Variants in PPP2R3C observed in about 807,000 individuals in gnomAD.
The protein encoded by PPP2R3C is serine/threonine-protein phosphatase 2A regulatory subunit B'' subunit gamma.
A neutral mutation model predicts 63.7 loss-of-function variants in PPP2R3C; 47 were observed. The observed-to-expected ratio is 0.74, with a 90% CI of 0.58 to 0.94. PPP2R3C has a LOEUF of 0.94. PPP2R3C is among the 40% of genes least tolerant of loss of function. PPP2R3C has a pLI of 0.00. For synonymous variants in PPP2R3C, 180 were observed against 177.4 expected (o/e 1.01, Z -0.12); for missense variants, 421 against 518.4 (o/e 0.81, Z 1.82).
At chr14:35,090,703 A>C (rs916913250) in intron 11 of PPP2R3C, among the ~76,000 whole-genome samples, 3 of 146,328 alleles carry the variant, frequency 2.1e-5, no homozygotes, top group Admixed American at 6.9e-5. Context: ...CTTTTGCTGC[A>C]TCTCACAATT....
chr14:35,118,663 T>TG (rs1478325032), intron 1 of PPP2R3C, among the ~76,000 whole-genome samples: 1 of 88,506 alleles, frequency 1.1e-5, no homozygotes, highest in Non-Finnish European at 2.4e-5. Flanking sequence ...CTTTTTTTTT[T>TG]TTTTTTTTCC....
At chr14:35,119,417 G>A (rs2046798183) in intron 1 of PPP2R3C, among the ~76,000 whole-genome samples, 1 of 152,026 alleles carries the variant, frequency 6.6e-6, no homozygotes, top group South Asian at 2.1e-4. Flanking sequence ...GCTCACTGCA[G>A]CCCCAAACTC....
At chr14:35,099,786 TG>T in intron 6 of PPP2R3C, 1 of 168,828 alleles carries the variant, frequency 5.9e-6, no homozygotes, top group Non-Finnish European at 1.2e-5. Context: ...TCACCCAGGC[TG>T]GAGTGCAGTG....
intron 2 of PPP2R3C, among the ~76,000 whole-genome samples, chr14:35,114,130 G>A (rs4982240): frequency 0.82 from 125,036 of 152,106 alleles, 51,754 homozygotes; most frequent in Non-Finnish European, 0.87. Flanking sequence ...TGTTTAAGGA[G>A]AGTGTGAAAT....
intron 12 of PPP2R3C, 37 bp downstream of exon 12, chr14:35,087,914 A>AT (rs749671893): frequency 6.8e-7 from 1 of 1,465,272 alleles, no homozygotes; most frequent in Non-Finnish European, 9.6e-7. Flanking sequence ...CTATCTCATA[A>AT]TTATCTGGTA....
In PPP2R3C at chr14:35,114,031, G is replaced by A. The variant is rs112371240; in HGVS notation, c.186+2579C>T. On this transcript the variant is annotated intron_variant, in intron 2 of 12. Coordinates refer to ENST00000261475, the MANE Select transcript of PPP2R3C (RefSeq NM_017917.4). ...GGTTAAATGAGATAAAGAATACAAAGGGCTCTGCAGTGCTTAGACACTCAA... is the reference window on the plus strand; with the variant it reads ...GGTTAAATGAGATAAAGAATACAAAAGGCTCTGCAGTGCTTAGACACTCAA... Among the ~76,000 whole-genome samples, 91 of 152,202 alleles carry A rather than the reference G, an allele frequency of 6.0e-4. 1 individual carries two copies. Among genetic ancestry groups the A allele is most frequent in the African/African-American group, 2.1e-3 (87 of 41,510 alleles).
At chr14:35,105,876 T>TC (rs2046337686) in intron 6 of PPP2R3C, among the ~76,000 whole-genome samples, 1 of 151,948 alleles carries the variant, frequency 6.6e-6, no homozygotes, top group African/African-American at 2.4e-5. Flanking sequence ...GGAGTCTCGC[T>TC]CTTTCGCCCA....
chr14:35,121,669 C>T lies in PPP2R3C; in HGVS notation c.58+233G>A, dbSNP rs77634519. 3.9e-3 allele frequency among the ~76,000 whole-genome samples: 594 copies of T among 152,280 alleles called. 4 individuals carry two copies. The highest frequency in any genetic ancestry group is 0.014 in the African/African-American group (567 of 41,534). On this transcript the variant is annotated intron_variant, in intron 1 of 12. Coordinates refer to ENST00000261475, the MANE Select transcript of PPP2R3C (RefSeq NM_017917.4). ...TATTCTTCACAAGTTTAGATTAAGA[C>T]CATGGAAGTCAGTGACTAAAGCTAA...
At chr14:35,089,457 T>C (rs1292658865) in intron 11 of PPP2R3C, among the ~76,000 whole-genome samples, 1 of 152,044 alleles carries the variant, frequency 6.6e-6, no homozygotes, top group Non-Finnish European at 1.5e-5. Flanking sequence ...TATCTACAAC[T>C]GGCTGGGCAC....
chr14:35,085,930 T>C, intron 12 of PPP2R3C, 152 bp from the exon 13 acceptor site: 4 of 621,140 alleles, frequency 6.4e-6, no homozygotes, highest in Non-Finnish European at 1.0e-5. Context: ...TTTGTTCTAC[T>C]TTTTTTCTTT....
intron 12 of PPP2R3C, 197 bp from the exon 13 acceptor site, chr14:35,085,975 C>G (rs1203495473): frequency 1.8e-6 from 1 of 542,644 alleles, no homozygotes; most frequent in Non-Finnish European, 3.2e-6. Context: ...TCTCTACCTA[C>G]AACCACAAAA....
intron 1 of PPP2R3C, among the ~76,000 whole-genome samples, chr14:35,120,905 C>T (rs1471103492): frequency 6.6e-6 from 1 of 151,870 alleles, no homozygotes; most frequent in African/African-American, 2.4e-5. Flanking sequence ...TTCACTGCGC[C>T]GCTGCACTCC....
upstream of PPP2R3C, chr14:35,122,019 A>G: frequency 6.3e-7 from 1 of 1,590,630 alleles, no homozygotes; most frequent in South Asian, 1.1e-5. Flanking sequence ...CACCCCTACC[A>G]GCTCAGGCGT....
chr14:35,094,630 T>C (rs1479195195), intron 10 of PPP2R3C, among the ~76,000 whole-genome samples: 1 of 145,918 alleles, frequency 6.9e-6, no homozygotes, highest in Admixed American at 6.7e-5. Context: ...AGTAATTTGA[T>C]CAGTTTACAC....
upstream of PPP2R3C, chr14:35,122,172 C>G (rs569834146): frequency 3.0e-5 from 17 of 572,614 alleles, no homozygotes; most frequent in Middle Eastern, 5.8e-4. Context: ...GGGGAAAAAA[C>G]TATGAAAGAG....
chr14:35,097,232 AAG>A (rs1555312563), intron 7 of PPP2R3C, among the ~76,000 whole-genome samples: 1 of 152,114 alleles, frequency 6.6e-6, no homozygotes, highest in African/African-American at 2.4e-5. Flanking sequence ...GCAAAAAAAA[AAG>A]AGAAACCTAC....
At chr14:35,095,236 A>G (rs771858101) in intron 9 of PPP2R3C, 52 bp from the exon 10 acceptor site, 34 of 1,559,188 alleles carry the variant, frequency 2.2e-5, no homozygotes, top group Non-Finnish European at 2.9e-5. Context: ...AATTTTAATC[A>G]GAAGAATAGA....
In PPP2R3C at chr14:35,085,660, C is replaced by T; in HGVS notation, c.1292G>A (p.Trp431Ter). The change falls in exon 13 of 13, where the codon TGG becomes TAG. Residue 431 changes from tryptophan to a stop codon, truncating the protein, a stop_gained. Transcript: ENST00000261475. LOFTEE classifies it high-confidence loss of function. ...TTILIDLNGF[W>*]TYENREALVA... ...AAGAGCCTCTCTGTTCTCGTAAGTC[C>T]AGAAGCCATTCAAATCGATTAGAAT... The T allele has an allele frequency of 1.2e-6, 2 of 1,613,816 alleles. No homozygotes were observed. Among genetic ancestry groups the T allele is most frequent in the Non-Finnish European group, 1.7e-6 (2 of 1,179,874 alleles).
At chr14:35,096,103 G>A (rs570175546) in intron 9 of PPP2R3C, among the ~76,000 whole-genome samples, 13 of 152,322 alleles carry the variant, frequency 8.5e-5, no homozygotes, top group South Asian at 4.1e-4. Flanking sequence ...CACTTTGGGA[G>A]GTCAGGGCAG....
Sources: gnomAD v4.1 joint callset for allele counts (sites outside exome capture counted in the v4.1 genomes callset) on GRCh38, gnomAD v4.1.1 for gene constraint, MANE v1.5 for transcripts, NCBI Gene and HGNC (gene_info 2026-07-23, HGNC 2026-07-21) for gene names.